The following WRNIP1 variants were observed in gnomAD, a reference collection of about 807,000 sequenced individuals.
WRNIP1 encodes ATPase WRNIP1.
In WRNIP1, 41 loss-of-function variants were observed where a neutral mutation model predicts 56.1. That is an observed-to-expected ratio of 0.73 (90% CI 0.57 to 0.95). The LOEUF is 0.95. Among genes scored for constraint, WRNIP1 ranks in the 40% least tolerant of loss-of-function variants. The probability of loss-of-function intolerance (pLI) is 0.00; values close to 1 mark genes in which losing one functional copy is unlikely to be tolerated. For missense variants in WRNIP1, 1,170 were observed against 939.4 expected, an observed-to-expected ratio of 1.25 and a Z score of -3.21; for synonymous variants, 547 against 398.1, an observed-to-expected ratio of 1.37 and a Z score of -4.45.
chr6:2,776,551 C>T (rs1265586794), intron 3 of WRNIP1, among the ~76,000 whole-genome samples: 2 of 152,180 alleles, frequency 1.3e-5, no homozygotes, highest in African/African-American at 4.8e-5. Context: ...GTACTTTGGT[C>T]AGGAGTTTAA....
At chr6:2,767,988 G>T (rs1765100434) in intron 1 of WRNIP1, among the ~76,000 whole-genome samples, 1 of 152,196 alleles carries the variant, frequency 6.6e-6, no homozygotes, top group Non-Finnish European at 1.5e-5. Flanking sequence ...TCATTAAACA[G>T]TCTTCAGTTT....
chr6:2,784,418 T>C lies in WRNIP1; in HGVS notation c.1722+15T>C. ...CTGAATGTGAGGTAAAGTAATCAGC[T>C]CATTTCTTGCAAATCACTTCTTTTC... On this transcript the variant is annotated intron_variant, in intron 6 of 6. Coordinates refer to ENST00000380773, the MANE Select transcript of WRNIP1 (RefSeq NM_020135.3). 6.2e-7 allele frequency: 1 copy of C among 1,612,988 alleles called. No homozygotes were observed. The highest frequency in any genetic ancestry group is 8.5e-7 in the Non-Finnish European group (1 of 1,179,064).
intron 3 of WRNIP1, among the ~76,000 whole-genome samples, chr6:2,778,872 A>C (rs1305942639): frequency 6.6e-6 from 1 of 152,208 alleles, no homozygotes; most frequent in Non-Finnish European, 1.5e-5. Context: ...TGTAGGCTGC[A>C]TTTGGAACAT....
Position 2,772,911 on chromosome 6 carries a change from C to T in WRNIP1, c.1256+2550C>T, listed in dbSNP as rs1456798628. ...TCTAGTTGAAAGAAAAGACTTCCAA[C>T]CCCATATACTTACTTTCTCTCTCCA... is the stretch of plus-strand genomic sequence containing the variant. On this transcript the variant is annotated intron_variant, in intron 3 of 6. Coordinates refer to ENST00000380773, the MANE Select transcript of WRNIP1 (RefSeq NM_020135.3). 5.3e-6 allele frequency: 5 copies of T among 938,036 alleles called. No homozygotes were observed. In the African/African-American group the frequency reaches 5.3e-5, roughly 10 times the overall value. 58.1% of individuals were successfully genotyped at this position (938,036 alleles called of 1,614,324 possible).
At chr6:2,781,304 C>G (rs889434401) in intron 4 of WRNIP1, among the ~76,000 whole-genome samples, 1 of 152,222 alleles carries the variant, frequency 6.6e-6, no homozygotes, top group Non-Finnish European at 1.5e-5. Flanking sequence ...CTAGTGCCAG[C>G]GCCTTAAGAA....
At chr6:2,766,468 G>T (rs1417087323) in intron 1 of WRNIP1, 24 bp downstream of exon 1, 2 of 1,483,990 alleles carry the variant, frequency 1.3e-6, no homozygotes, top group East Asian at 5.1e-5. Flanking sequence ...TGGCCGTTGG[G>T]CTTCCGTAGT....
At chr6:2,781,339 G>T (rs576280520) in intron 4 of WRNIP1, among the ~76,000 whole-genome samples, 1 of 152,234 alleles carries the variant, frequency 6.6e-6, no homozygotes, top group Non-Finnish European at 1.5e-5. Flanking sequence ...CATCTTCCCA[G>T]TATGAGTGTG....
chr6:2,783,290 G>C, intron 4 of WRNIP1, 116 bp from the exon 5 acceptor site: 1 of 1,192,932 alleles, frequency 8.4e-7, no homozygotes, highest in South Asian at 1.7e-5. Context: ...ACCTCTCCTC[G>C]GCTTTCTCAG....
Position 2,766,404 on chromosome 6 carries a change from T to G in WRNIP1, c.782T>G (p.Ile261Ser), listed in dbSNP as rs759102231. 2 of 1,604,380 alleles carry G rather than the reference T, an allele frequency of 1.2e-6. No homozygotes were observed. Among genetic ancestry groups the G allele is most frequent in the African/African-American group, 1.3e-5 (1 of 74,830 alleles). Residue 261 changes from isoleucine to serine, a missense_variant, in exon 1 of 7, where the codon ATC (isoleucine) becomes AGC (serine). Ile to Ser is a moderately radical substitution (Grantham distance 142, BLOSUM62 -2). Transcript: ENST00000380773. ...CGCTCGCTCCTGGAGACCAACGAAA[T>G]CCCCTCGCTTATCCTGTGGGGGCCG... ...LLRSLLETNE[I>S]PSLILWGPPG...
Position 2,766,454 on chromosome 6 carries a change from G to A in WRNIP1, c.822+10G>A, listed in dbSNP as rs368586691. On this transcript the variant is annotated intron_variant, in intron 1 of 6. Transcript: ENST00000380773. ...GCCGGGCTGCGGCAAGGTGAGTGCGGCCTTGGCCGTTGGGCTTCCGTAGTT... is the reference window on the plus strand; with the variant it reads ...GCCGGGCTGCGGCAAGGTGAGTGCGACCTTGGCCGTTGGGCTTCCGTAGTT... The A allele has an allele frequency of 1.3e-6, 2 of 1,518,694 alleles. No individual in the cohort carries two copies. Among genetic ancestry groups the A allele is most frequent in the Non-Finnish European group, 8.9e-7 (1 of 1,122,502 alleles). The allele number at this position is 1,518,694 out of a possible 1,614,324, so 94.1% of individuals were successfully genotyped here. A position where few individuals can be genotyped will look rare whatever the true frequency, so the allele number is the denominator to read the frequency against.
Position 2,771,436 on chromosome 6 carries a change from G to A in WRNIP1, c.1256+1075G>A, listed in dbSNP as rs1335297149. Among the ~76,000 whole-genome samples the A allele has an allele frequency of 2.6e-5, 4 of 152,310 alleles. No homozygotes were observed. In the East Asian group the frequency reaches 7.7e-4, roughly 29 times the overall value. On this transcript the variant is annotated intron_variant, in intron 3 of 6. Coordinates refer to ENST00000380773, the MANE Select transcript of WRNIP1 (RefSeq NM_020135.3). ...ATAGCCATTACATCTGTGGCCACAA[G>A]CAGTGTGTGGAACCTGTGGTATCAG...
chr6:2,766,563 G>A (rs929794207), intron 1 of WRNIP1, 119 bp downstream of exon 1: 132 of 1,396,870 alleles, frequency 9.4e-5, no homozygotes, highest in Non-Finnish European at 1.2e-4. Flanking sequence ...TGGATAAGGG[G>A]GTGCAGACTT....
rs1389957991 is a variant in WRNIP1, at chr6:2,768,835, A to G, written c.967A>G (p.Thr323Ala). 1.2e-6 allele frequency: 2 copies of G among 1,613,592 alleles called. No individual in the cohort carries two copies. Among genetic ancestry groups the G allele is most frequent in the Non-Finnish European group, 1.7e-6 (2 of 1,179,760 alleles). The change falls in exon 2 of 7, where the codon ACC (threonine) becomes GCC (alanine). Residue 323 changes from threonine to alanine, a missense_variant. Coordinates refer to ENST00000380773, the MANE Select transcript of WRNIP1 (RefSeq NM_020135.3). ...QNEKSFFKRK[T>A]ILFIDEIHRF... ...TGAAAAGAGCTTTTTCAAAAGGAAAACCATCCTTTTTATTGATGAGATTCA... is the reference window on the plus strand; with the variant it reads ...TGAAAAGAGCTTTTTCAAAAGGAAAGCCATCCTTTTTATTGATGAGATTCA...
At position 2,768,841 on chromosome 6, in the gene WRNIP1, C is replaced by T; in HGVS notation, c.973C>T (p.Leu325Phe). Reference protein sequence around the residue: ...EKSFFKRKTILFIDEIHRFNK... With the variant: ...EKSFFKRKTIFFIDEIHRFNK... ...GAGCTTTTTCAAAAGGAAAACCATC[C>T]TTTTTATTGATGAGATTCATCGGTT... Residue 325 changes from leucine (L) to phenylalanine (F), a missense_variant, in exon 2 of 7, where the codon CTT becomes TTT. Leu to Phe is a conservative substitution (Grantham distance 22, BLOSUM62 0). Transcript: ENST00000380773. 1 of 1,613,234 alleles carries T rather than the reference C, an allele frequency of 6.2e-7. No homozygotes were observed. The highest frequency in any genetic ancestry group is 1.1e-5 in the South Asian group (1 of 90,908).
At chr6:2,768,264 G>T (rs1261707785) in intron 1 of WRNIP1, among the ~76,000 whole-genome samples, 3 of 152,118 alleles carry the variant, frequency 2.0e-5, no homozygotes, top group Non-Finnish European at 2.9e-5. Flanking sequence ...TTCCAGTTCG[G>T]GCTGTGGTTC....
rs966815098 is a variant in WRNIP1 at position 2,765,495 on chromosome 6, C to T, written c.-128C>T. 6.2e-5 allele frequency: 74 copies of T among 1,196,298 alleles called. No individual in the cohort carries two copies. The African/African-American group carries it at 8.4e-4, about 14-fold the overall frequency. The allele number at this position is 1,196,298 out of a possible 1,614,324, so 74.1% of individuals were successfully genotyped here. On this transcript the variant is annotated 5_prime_UTR_variant, in exon 1 of 7. Transcript: ENST00000380773. ...GCATGAGCGGCGCCCTCCTCCGGCC[C>T]GCGAGCGTCCTGCTGGTTCCCCGAG...
At chr6:2,773,393 A>T in intron 3 of WRNIP1, 2 of 985,434 alleles carry the variant, frequency 2.0e-6, no homozygotes, top group Non-Finnish European at 2.4e-6. Flanking sequence ...GAATATGTGA[A>T]ATCCAGTATT....
At chr6:2,777,682 G>A (rs1039242120) in intron 3 of WRNIP1, among the ~76,000 whole-genome samples, 4 of 152,198 alleles carry the variant, frequency 2.6e-5, no homozygotes, top group Non-Finnish European at 5.9e-5. Context: ...TTTAGTATAT[G>A]TTCTGTCCAT....
Position 2,779,254 on chromosome 6 carries a change from G to A in WRNIP1, c.1257-9G>A. The A allele has an allele frequency of 1.9e-6, 3 of 1,613,846 alleles. No individual in the cohort carries two copies. Among genetic ancestry groups the A allele is most frequent in the Non-Finnish European group, 2.5e-6 (3 of 1,179,780 alleles). ...AGTGTGACCGTAACTAACCCTGCTT[G>A]TGTTTCAGGCCCGCCATGTTCATAG... On this transcript the variant is annotated splice_polypyrimidine_tract_variant and intron_variant, in intron 3 of 6. Coordinates refer to ENST00000380773, the MANE Select transcript of WRNIP1 (RefSeq NM_020135.3).
Sources: allele counts gnomAD v4.1 joint callset (sites outside exome capture counted in the v4.1 genomes callset), GRCh38; gene constraint gnomAD v4.1.1; transcripts MANE v1.5; gene names NCBI Gene and HGNC (gene_info 2026-07-23, HGNC 2026-07-21).